Variants in FAM81A observed in about 807,000 individuals in gnomAD.
The protein encoded by FAM81A is family with sequence similarity 81 member A, also known as protein FAM81A.
FAM81A carries 19 observed loss-of-function variants against 46.7 expected under a neutral mutation model. The observed-to-expected ratio is 0.41, with a 90% confidence interval of 0.28 to 0.60. The LOEUF (loss-of-function observed/expected upper bound fraction) is 0.60. Ranked by LOEUF, FAM81A falls within the 20% of genes least tolerant of loss-of-function variation. The probability of loss-of-function intolerance (pLI) is 0.34; values close to 1 mark genes in which losing one functional copy is unlikely to be tolerated. For synonymous variants in FAM81A, 183 were observed against 152.9 expected (o/e 1.20, Z -1.45); for missense variants, 377 against 453.5 (o/e 0.83, Z 1.53).
intron 1 of FAM81A, among the ~76,000 whole-genome samples, chr15:59,451,006 C>G (rs1237865540): frequency 1.3e-5 from 2 of 152,162 alleles, no homozygotes; most frequent in African/African-American, 4.8e-5. Context: ...GTGTGAACAC[C>G]AAGAGACAAG....
intron 1 of FAM81A, chr15:59,402,197 G>A (rs903318499): frequency 1.5e-5 from 3 of 194,008 alleles, no homozygotes; most frequent in South Asian, 2.2e-4. Context: ...CTGATCAGCC[G>A]TGGATAATGT....
intron 4 of FAM81A, among the ~76,000 whole-genome samples, chr15:59,504,335 G>GTAA (rs2082127431): frequency 2.0e-5 from 3 of 152,078 alleles, no homozygotes; most frequent in Admixed American, 6.6e-5. Context: ...CTAGTACATA[G>GTAA]TAAATATTTC....
intron 2 of FAM81A, among the ~76,000 whole-genome samples, chr15:59,416,364 A>G (rs1239520718): frequency 1.3e-5 from 2 of 152,230 alleles, no homozygotes; most frequent in African/African-American, 2.4e-5. Context: ...GCTTTTGTCC[A>G]CTGCCTCCTC....
At chr15:59,518,170 G>T (rs2082287013) in intron 8 of FAM81A, among the ~76,000 whole-genome samples, 1 of 149,300 alleles carries the variant, frequency 6.7e-6, no homozygotes, top group African/African-American at 2.5e-5. Context: ...TAGAAACAAG[G>T]TTTCACCATG....
chr15:59,424,732 C>T (rs1174543298), intron 2 of FAM81A, among the ~76,000 whole-genome samples: 1 of 152,222 alleles, frequency 6.6e-6, no homozygotes, highest in Non-Finnish European at 1.5e-5. Context: ...GTTCGCTGAA[C>T]TCTACCTCTG....
intron 2 of FAM81A, 79 bp from the exon 3 acceptor site, chr15:59,459,854 G>A (rs3803445): frequency 0.79 from 1,148,981 of 1,456,862 alleles, 454,653 homozygotes; most frequent in African/African-American, 0.95. Flanking sequence ...TGTATTTCCA[G>A]ACTTCTCTGG....
intron 1 of FAM81A, among the ~76,000 whole-genome samples, chr15:59,453,013 T>G (rs530939709): frequency 2.6e-5 from 4 of 152,224 alleles, no homozygotes; most frequent in African/African-American, 9.6e-5. Context: ...TCCTCCTGCC[T>G]CGGCCTCCCA....
Position 59,507,272 on chromosome 15 carries a change from A to G in FAM81A, c.473A>G (p.Gln158Arg). The G allele has an allele frequency of 1.2e-6, 2 of 1,612,200 alleles. No homozygotes were observed. The highest frequency in any genetic ancestry group is 1.7e-6 in the Non-Finnish European group (2 of 1,179,194). Reference protein sequence around the residue: ...AEHKTTYEGLQHLNKEQQAAK... With the variant: ...AEHKTTYEGLRHLNKEQQAAK... ...CACAAAACGACCTATGAGGGGCTCC[A>G]GCACTTGAACAAAGAACAGCAGGCT... The change falls in exon 5 of 9, where the codon CAG (glutamine) becomes CGG (arginine). Residue 158 changes from glutamine to arginine, a missense_variant. Gln to Arg is a conservative substitution (Grantham distance 43, BLOSUM62 1). Transcript: ENST00000288228.
rs376070162 is a variant in FAM81A at position 59,508,937 on chromosome 15, C to T, written c.618C>T (p.Asp206=). The change falls in exon 6 of 9, where the codon GAC becomes GAT. Residue 206 remains aspartate, a synonymous_variant. Transcript: ENST00000288228. The part of the protein sequence containing the change: ...QSTKLKMSHR[D]SNHQLQLLDT... ...CCAAACTGAAGATGTCTCACAGAGA[C>T]AGTAACCACCAGCTTCAGCTTTTGG... 1 of 1,613,092 alleles carries T rather than the reference C, an allele frequency of 6.2e-7. No homozygotes were observed. The highest frequency in any genetic ancestry group is 8.5e-7 in the Non-Finnish European group (1 of 1,179,352).
chr15:59,435,147 C>T (rs569796530), upstream of FAM81A, among the ~76,000 whole-genome samples: 1 of 152,204 alleles, frequency 6.6e-6, no homozygotes, highest in East Asian at 1.9e-4. Context: ...ATTAGCTGGG[C>T]GTGGTGGTGC....
intron 2 of FAM81A, among the ~76,000 whole-genome samples, chr15:59,405,798 G>T (rs1474208391): frequency 6.6e-6 from 1 of 152,150 alleles, no homozygotes; most frequent in African/African-American, 2.4e-5. Context: ...CTACTTTTGA[G>T]TTATCTCATT....
intron 1 of FAM81A, among the ~76,000 whole-genome samples, chr15:59,442,923 T>C (rs2141590326): frequency 6.6e-6 from 1 of 152,308 alleles, no homozygotes; most frequent in Middle Eastern, 3.4e-3. Context: ...ACCTAAATAC[T>C]CGTGTATATT....
At chr15:59,484,762 G>A (rs1295534516) in intron 3 of FAM81A, among the ~76,000 whole-genome samples, 1 of 152,158 alleles carries the variant, frequency 6.6e-6, no homozygotes, top group African/African-American at 2.4e-5. Context: ...AGGGGACTTT[G>A]TCTTTAGCTT....
chr15:59,470,873 A>G (rs1279888329), intron 3 of FAM81A, among the ~76,000 whole-genome samples: 3 of 152,030 alleles, frequency 2.0e-5, no homozygotes, highest in African/African-American at 7.2e-5. Context: ...AGGCTGGTAT[A>G]GTGCAGTGGC....
At chr15:59,405,801 A>G (rs539118915) in intron 2 of FAM81A, among the ~76,000 whole-genome samples, 46 of 152,222 alleles carry the variant, frequency 3.0e-4, no homozygotes, top group African/African-American at 1.1e-3. Flanking sequence ...CTTTTGAGTT[A>G]TCTCATTTTG....
At chr15:59,426,677 T>C (rs1410928857) in intron 2 of FAM81A, among the ~76,000 whole-genome samples, 1 of 152,200 alleles carries the variant, frequency 6.6e-6, no homozygotes, top group African/African-American at 2.4e-5. Context: ...AACTTGCTTA[T>C]ACTGATGTTT....
chr15:59,502,911 G>C (rs766437993), intron 4 of FAM81A, among the ~76,000 whole-genome samples: 7 of 151,992 alleles, frequency 4.6e-5, no homozygotes, highest in Non-Finnish European at 8.8e-5. Context: ...AAGTACACGA[G>C]GGATGTGTGC....
At chr15:59,419,031 T>A (rs1478688196) in intron 2 of FAM81A, among the ~76,000 whole-genome samples, 1 of 152,254 alleles carries the variant, frequency 6.6e-6, no homozygotes, top group Non-Finnish European at 1.5e-5. Context: ...GCTGGTTTCA[T>A]CCTAAGTTGT....
At chr15:59,521,203 C>A (rs1246780122) in intron 8 of FAM81A, 51 bp from the exon 9 acceptor site, 2 of 1,577,934 alleles carry the variant, frequency 1.3e-6, no homozygotes, top group Non-Finnish European at 1.7e-6. Flanking sequence ...GAATTTGATA[C>A]AGCATTTTAA....
Sources: allele counts gnomAD v4.1 joint callset (sites outside exome capture counted in the v4.1 genomes callset), GRCh38; gene constraint gnomAD v4.1.1; transcripts MANE v1.5; gene names NCBI Gene and HGNC (gene_info 2026-07-23, HGNC 2026-07-21).